Variants in PLEKHG4B observed in about 807,000 individuals in gnomAD.
PLEKHG4B encodes pleckstrin homology and RhoGEF domain containing G4B.
A neutral mutation model predicts 121.3 loss-of-function variants in PLEKHG4B; 111 were observed. The ratio of observed to expected loss-of-function variants is 0.92; its 90% confidence interval spans 0.78 to 1.07. PLEKHG4B has a LOEUF of 1.07. Ranked by LOEUF, PLEKHG4B falls within the 50% of genes least tolerant of loss-of-function variation. PLEKHG4B has a pLI of 0.00. For synonymous variants in PLEKHG4B, 738 were observed against 725.0 expected (o/e 1.02, Z -0.29); for missense variants, 1,831 against 1,757.8 (o/e 1.04, Z -0.74).
chr5:154,595 C>T (rs1735707740), intron 7 of PLEKHG4B, among the ~76,000 whole-genome samples: 1 of 148,740 alleles, frequency 6.7e-6, no homozygotes, highest in Non-Finnish European at 1.5e-5. Context: ...AGAGCCTTGA[C>T]TCATTCTTTC....
At chr5:142,948 G>A (rs542702987) in intron 3 of PLEKHG4B, 99 bp from the exon 4 acceptor site, 12 of 1,143,970 alleles carry the variant, frequency 1.0e-5, no homozygotes, top group African/African-American at 6.2e-5. Flanking sequence ...ACTTTCATGC[G>A]TGTTTTTGTC....
At chr5:104,862 A>G (rs956094023) in intron 1 of PLEKHG4B, among the ~76,000 whole-genome samples, 1 of 152,276 alleles carries the variant, frequency 6.6e-6, no homozygotes, top group Non-Finnish European at 1.5e-5. Flanking sequence ...ACCATAAATT[A>G]CAACCTTCCT....
chr5:166,608 A>ACACTAATGCTCTGACGGGGCG (rs1579317950), intron 13 of PLEKHG4B, among the ~76,000 whole-genome samples: 1 of 152,002 alleles, frequency 6.6e-6, no homozygotes, highest in Non-Finnish European at 1.5e-5. Flanking sequence ...GGCGGAGCTC[A>ACACTAATGCTCTGACGGGGCG]GGTGGCAACA....
intron 13 of PLEKHG4B, 141 bp from the exon 14 acceptor site, chr5:169,199 C>A (rs1736452865): frequency 4.3e-6 from 5 of 1,165,912 alleles, no homozygotes; most frequent in South Asian, 1.5e-5. Context: ...GTGCATCCCA[C>A]ATGTGCCCAT....
rs1378821571 is a variant in PLEKHG4B, at chr5:144,923, A to G, written c.1905+3A>G. 1.2e-6 allele frequency: 2 copies of G among 1,612,668 alleles called. No homozygotes were observed. The highest frequency in any genetic ancestry group is 1.1e-5 in the South Asian group (1 of 91,028). On this transcript the variant is annotated splice_donor_region_variant and intron_variant, in intron 6 of 19. Coordinates refer to ENST00000637938, the MANE Select transcript of PLEKHG4B (RefSeq NM_052909.5). Reference sequence around the variant, plus strand: ...CCCAGGCCCTCTCAGGATTGCAGGTACGGCAAGGTTGTCATATCCCTTGGG... The same window carrying G: ...CCCAGGCCCTCTCAGGATTGCAGGTGCGGCAAGGTTGTCATATCCCTTGGG...
intron 1 of PLEKHG4B, among the ~76,000 whole-genome samples, chr5:105,092 T>C (rs1733936155): frequency 6.6e-6 from 1 of 151,590 alleles, no homozygotes; most frequent in Non-Finnish European, 1.5e-5. Flanking sequence ...GTTCCCGTCC[T>C]GAAGGTGGAG....
intron 6 of PLEKHG4B, among the ~76,000 whole-genome samples, chr5:148,891 T>C (rs1022214757): frequency 2.0e-5 from 3 of 152,150 alleles, no homozygotes; most frequent in Non-Finnish European, 1.5e-5. Context: ...AACAATGGAA[T>C]AGAGTAGAAA....
intron 13 of PLEKHG4B, among the ~76,000 whole-genome samples, chr5:167,619 G>C (rs1432063242): frequency 1.3e-5 from 2 of 152,186 alleles, no homozygotes; most frequent in Admixed American, 6.5e-5. Context: ...GGATGGTGCT[G>C]TCTGAGGTGC....
Position 155,395 on chromosome 5 carries a change from G to C in PLEKHG4B, c.2160G>C (p.Gln720His), listed in dbSNP as rs777429314. The C allele has an allele frequency of 3.7e-6, 6 of 1,614,190 alleles. No homozygotes were observed. The South Asian group carries it at 6.6e-5, about 18-fold the overall frequency. ...ANCEEAIIFL[Q>H]NSFCSLNTHR... Reference sequence around the variant, plus strand: ...GTGAAGAAGCCATCATTTTCCTACAGAATTCATTCTGCTCCCTGAACACCC... The same window carrying C: ...GTGAAGAAGCCATCATTTTCCTACACAATTCATTCTGCTCCCTGAACACCC... The change falls in exon 9 of 20, where the codon CAG (glutamine) becomes CAC (histidine). Residue 720 changes from glutamine to histidine, a missense_variant. By Grantham distance (24) the Gln-to-His change is conservative. Coordinates refer to ENST00000637938, the MANE Select transcript of PLEKHG4B (RefSeq NM_052909.5).
At chr5:155,707 C>T (rs904301029) in intron 9 of PLEKHG4B, among the ~76,000 whole-genome samples, 5 of 152,184 alleles carry the variant, frequency 3.3e-5, no homozygotes, top group African/African-American at 9.7e-5. Context: ...AACCGCTGCT[C>T]GGAACGAGCC....
In PLEKHG4B at chr5:189,065, G is replaced by C. The variant is rs1005163047; in HGVS notation, c.*6742G>C. 2.0e-5 allele frequency: 3 copies of C among 152,332 alleles called. No homozygotes were observed. Among genetic ancestry groups the C allele is most frequent in the African/African-American group, 7.2e-5 (3 of 41,458 alleles). The allele number at this position is 152,332 out of a possible 1,614,324, so 9.4% of individuals were successfully genotyped here. On this transcript the variant is annotated 3_prime_UTR_variant, in exon 20 of 20. Transcript: ENST00000637938. ...CCTGGAAATGAAGGTCTCAGGCAGGGGCTGCGCACACCGATGGTCAGCATT... is the reference window on the plus strand; with the variant it reads ...CCTGGAAATGAAGGTCTCAGGCAGGCGCTGCGCACACCGATGGTCAGCATT...
chr5:172,841 G>A, intron 16 of PLEKHG4B, 56 bp from the exon 17 acceptor site: 2 of 1,589,190 alleles, frequency 1.3e-6, no homozygotes, highest in African/African-American at 2.7e-5. Context: ...AGTGACCTGT[G>A]CCACCACAGA....
At chr5:102,666 T>C (rs9313247) in intron 1 of PLEKHG4B, among the ~76,000 whole-genome samples, 28,437 of 152,070 alleles carry the variant, frequency 0.19, 3,729 homozygotes, top group African/African-American at 0.37. Flanking sequence ...GCTTCCTGTA[T>C]GGCCTGCAGA....
At chr5:125,349 A>C (rs1560910297) in intron 2 of PLEKHG4B, among the ~76,000 whole-genome samples, 1 of 151,980 alleles carries the variant, frequency 6.6e-6, no homozygotes, top group Non-Finnish European at 1.5e-5. Context: ...TTTTGTGTAC[A>C]TTCTATAGCT....
intron 1 of PLEKHG4B, among the ~76,000 whole-genome samples, chr5:106,960 C>T (rs1733992408): frequency 6.6e-6 from 1 of 152,224 alleles, no homozygotes. Flanking sequence ...TGTGGAGACT[C>T]ATATGCAGGA....
chr5:186,269 G>C lies in PLEKHG4B; in HGVS notation c.*3946G>C, dbSNP rs1468659438. ...GGCCTTCTGTCCACACTGGGATTTG[G>C]CTCTGATTTCCAGAAGGCAGGGTTA... On this transcript the variant is annotated 3_prime_UTR_variant, in exon 20 of 20. Transcript: ENST00000637938. The C allele has an allele frequency of 6.6e-6, 1 of 152,220 alleles. No individual in the cohort carries two copies. Among genetic ancestry groups the C allele is most frequent in the African/African-American group, 2.4e-5 (1 of 41,436 alleles). The allele number at this position is 152,220 out of a possible 1,614,324, so 9.4% of individuals were successfully genotyped here.
At chr5:133,625 A>AAAAT (rs1397950792) in intron 2 of PLEKHG4B, among the ~76,000 whole-genome samples, 1 of 152,170 alleles carries the variant, frequency 6.6e-6, no homozygotes, top group Non-Finnish European at 1.5e-5. Context: ...AAAAAATAAA[A>AAAAT]AAATAATAGA....
rs1001366256 is a variant in PLEKHG4B at position 144,701 on chromosome 5, A to G, written c.1812-126A>G. On this transcript the variant is annotated intron_variant, in intron 5 of 19. Coordinates refer to ENST00000637938, the MANE Select transcript of PLEKHG4B (RefSeq NM_052909.5). ...TTCGGGAAGTGGAAGGTTGATGTGT[A>G]TAGAGAACCCCTAACTTCTAGAGCT... The G allele has an allele frequency of 3.3e-5, 25 of 757,680 alleles. No homozygotes were observed. In the African/African-American group the frequency reaches 4.3e-4, roughly 13 times the overall value. 46.9% of individuals were successfully genotyped at this position (757,680 alleles called of 1,614,324 possible). A position where few individuals can be genotyped will look rare whatever the true frequency, so the allele number is the denominator to read the frequency against.
At chr5:125,062 G>A (rs536580374) in intron 2 of PLEKHG4B, among the ~76,000 whole-genome samples, 65 of 152,134 alleles carry the variant, frequency 4.3e-4, no homozygotes, top group Non-Finnish European at 7.3e-4. Context: ...GAACCCAGGA[G>A]GCAGAGGTTG....
Sources: allele counts gnomAD v4.1 joint callset (sites outside exome capture counted in the v4.1 genomes callset), GRCh38; gene constraint gnomAD v4.1.1; transcripts MANE v1.5; gene names NCBI Gene and HGNC (gene_info 2026-07-23, HGNC 2026-07-21).